The following ADAD1 variants were observed in gnomAD, a reference collection of about 807,000 sequenced individuals.
ADAD1 encodes adenosine deaminase domain-containing protein 1.
In ADAD1, 46 loss-of-function variants were observed where a neutral mutation model predicts 66.8. The observed-to-expected ratio is 0.69, with a 90% CI of 0.54 to 0.88. The LOEUF (loss-of-function observed/expected upper bound fraction) is 0.88, where lower values mean the gene tolerates loss of function less well. ADAD1 is among the 40% of genes least tolerant of loss of function. ADAD1 has a pLI of 0.00. For synonymous variants in ADAD1, 248 were observed against 229.4 expected (o/e 1.08, Z -0.73); for missense variants, 617 against 681.8 (o/e 0.91, Z 1.06).
chr4:122,409,546 TTTAG>T (rs2150577278), intron 8 of ADAD1, among the ~76,000 whole-genome samples: 1 of 152,314 alleles, frequency 6.6e-6, no homozygotes, highest in South Asian at 2.1e-4. Flanking sequence ...ATTATAGTCA[TTTAG>T]TTATTTTAAA....
intron 6 of ADAD1, among the ~76,000 whole-genome samples, chr4:122,395,420 C>T (rs1203740882): frequency 1.3e-5 from 2 of 152,120 alleles, no homozygotes; most frequent in Non-Finnish European, 1.5e-5. Context: ...CGGTGGCTCA[C>T]GCCTATGATC....
chr4:122,388,403 C>A (rs1795276882), intron 5 of ADAD1, among the ~76,000 whole-genome samples: 1 of 152,128 alleles, frequency 6.6e-6, no homozygotes, highest in Admixed American at 6.5e-5. Context: ...GGGAGGAGTC[C>A]TTCCTTTTCA....
At chr4:122,384,782 T>C (rs1162371537) in intron 5 of ADAD1, among the ~76,000 whole-genome samples, 1 of 152,198 alleles carries the variant, frequency 6.6e-6, no homozygotes, top group Non-Finnish European at 1.5e-5. Context: ...TTCTAAAACA[T>C]TTATTTTTTT....
chr4:122,407,549 C>T (rs1796271384), intron 7 of ADAD1, among the ~76,000 whole-genome samples: 1 of 152,022 alleles, frequency 6.6e-6, no homozygotes, highest in Non-Finnish European at 1.5e-5. Context: ...TAATTTAAGA[C>T]AGAAGCAGAA....
At chr4:122,379,540 T>G (rs900206644) in intron 2 of ADAD1, 95 bp downstream of exon 2, 1 of 153,080 alleles carries the variant, frequency 6.5e-6, no homozygotes, top group Non-Finnish European at 1.5e-5. Context: ...CCTGACCCTG[T>G]GAACCTCGCG....
rs1483468240 is a variant in ADAD1 at position 122,429,528 on chromosome 4, C to CT, written c.1618-92dup. The stretch of plus-strand genomic sequence containing the variant: ...AGGAATTAAAAAAGACTTTGATTAA[C>CT]TTTTTTAAATTTCAAGCTAAAGAAA... On this transcript the variant is annotated intron_variant, in intron 12 of 12. Transcript: ENST00000296513. The CT allele has an allele frequency of 1.2e-5, 8 of 658,602 alleles. No homozygotes were observed. The Admixed American group carries it at 2.4e-4, about 20-fold the overall frequency. The allele number at this position is 658,602 out of a possible 1,614,324, so 40.8% of individuals were successfully genotyped here. A position where few individuals can be genotyped will look rare whatever the true frequency, so the allele number is the denominator to read the frequency against.
intron 4 of ADAD1, among the ~76,000 whole-genome samples, chr4:122,382,942 G>A (rs1476976912): frequency 6.6e-6 from 1 of 152,136 alleles, no homozygotes; most frequent in Non-Finnish European, 1.5e-5. Flanking sequence ...ATAATTGTGA[G>A]TATGTGAGGA....
At chr4:122,380,965 A>T in intron 3 of ADAD1, 27 bp from the exon 4 acceptor site, 3 of 1,555,606 alleles carry the variant, frequency 1.9e-6, no homozygotes, top group Non-Finnish European at 8.6e-7. Flanking sequence ...TTTAAACCAA[A>T]TTGACAAGTA....
At chr4:122,384,049 T>A in intron 5 of ADAD1, 83 bp downstream of exon 5, 1 of 1,251,188 alleles carries the variant, frequency 8.0e-7, no homozygotes, top group Non-Finnish European at 1.1e-6. Context: ...TTAATGAGAG[T>A]TACTTGGCAG....
Position 122,412,764 on chromosome 4 carries a change from C to G in ADAD1, c.1204C>G (p.Leu402Val), listed in dbSNP as rs747940144. 2.5e-6 allele frequency: 4 copies of G among 1,613,718 alleles called. No homozygotes were observed. Among genetic ancestry groups the G allele is most frequent in the African/African-American group, 1.3e-5 (1 of 74,912 alleles). Residue 402 changes from leucine (L) to valine (V), a missense_variant, in exon 10 of 13, where the codon CTG becomes GTG. Physicochemically the swap from Leu to Val is conservative, Grantham distance 32. Coordinates refer to ENST00000296513, the MANE Select transcript of ADAD1 (RefSeq NM_139243.4). ...WEVLGVQGAL[L>V]SHFIQPVYIS... ...AGTGCTTGGTGTACAGGGAGCATTG[C>G]TGAGTCATTTTATACAGCCAGTTTA...
intron 10 of ADAD1, among the ~76,000 whole-genome samples, 167 bp downstream of exon 10, chr4:122,412,976 T>C (rs1029215515): frequency 1.3e-5 from 2 of 152,212 alleles, no homozygotes; most frequent in African/African-American, 4.8e-5. Flanking sequence ...TGATAAATTA[T>C]CAGGGAGAAT....
At chr4:122,392,586 A>G (rs565563845) in intron 5 of ADAD1, among the ~76,000 whole-genome samples, 7 of 152,274 alleles carry the variant, frequency 4.6e-5, no homozygotes, top group African/African-American at 1.4e-4. Flanking sequence ...TAAAAGAAAA[A>G]CTACCTTTGG....
chr4:122,397,248 C>T (rs1299249083), intron 7 of ADAD1, among the ~76,000 whole-genome samples: 1 of 152,154 alleles, frequency 6.6e-6, no homozygotes, highest in Non-Finnish European at 1.5e-5. Context: ...GGTTTAAAAA[C>T]AGGTCAAAAG....
At chr4:122,387,003 T>C (rs1489987713) in intron 5 of ADAD1, among the ~76,000 whole-genome samples, 1 of 152,226 alleles carries the variant, frequency 6.6e-6, no homozygotes, top group Non-Finnish European at 1.5e-5. Context: ...TGCTTAGGAT[T>C]GTCTTGGCTA....
Position 122,394,664 on chromosome 4 carries a change from G to T in ADAD1, c.598+1007G>T, listed in dbSNP as rs1424153990. 2.0e-5 allele frequency among the ~76,000 whole-genome samples: 3 copies of T among 152,168 alleles called. No individual in the cohort carries two copies. In the East Asian group the frequency reaches 5.8e-4, roughly 29 times the overall value. On this transcript the variant is annotated intron_variant, in intron 6 of 12. Transcript: ENST00000296513. The stretch of plus-strand genomic sequence containing the variant: ...AACTGATGAAGAGAGGGCAATGAGG[G>T]ATCAGTCCTACAGCAGTGATCTCTT...
At chr4:122,404,298 T>C (rs927845161) in intron 7 of ADAD1, among the ~76,000 whole-genome samples, 3 of 152,196 alleles carry the variant, frequency 2.0e-5, no homozygotes, top group Non-Finnish European at 2.9e-5. Flanking sequence ...GCTGCGTTAC[T>C]CAAGGACCCC....
chr4:122,392,602 A>G (rs898620452), intron 5 of ADAD1, among the ~76,000 whole-genome samples: 1 of 152,162 alleles, frequency 6.6e-6, no homozygotes, highest in East Asian at 1.9e-4. Flanking sequence ...TTTGGATACT[A>G]TGGTCACTAT....
At chr4:122,413,036 A>G (rs926239438) in intron 10 of ADAD1, among the ~76,000 whole-genome samples, 1 of 152,102 alleles carries the variant, frequency 6.6e-6, no homozygotes, top group Non-Finnish European at 1.5e-5. Context: ...AAGATGCCAT[A>G]AGTTGTAGTG....
At chr4:122,389,853 C>A (rs1371183369) in intron 5 of ADAD1, among the ~76,000 whole-genome samples, 22 of 152,136 alleles carry the variant, frequency 1.4e-4, no homozygotes, top group Admixed American at 1.4e-3. Flanking sequence ...AACCCATTGA[C>A]ATTTAAGGTT....
Sources: gnomAD v4.1 joint callset for allele counts (sites outside exome capture counted in the v4.1 genomes callset) on GRCh38, gnomAD v4.1.1 for gene constraint, MANE v1.5 for transcripts, NCBI Gene and HGNC (gene_info 2026-07-23, HGNC 2026-07-21) for gene names.